The following ARHGAP21 variants were observed in gnomAD, a reference collection of about 807,000 sequenced individuals.
ARHGAP21 encodes Rho GTPase activating protein 21, also known as rho GTPase-activating protein 21.
ARHGAP21 carries 38 observed loss-of-function variants against 164.6 expected under a neutral mutation model. The observed-to-expected ratio is 0.23, with a 90% CI of 0.18 to 0.30. ARHGAP21 has a LOEUF of 0.30. Ranked by LOEUF, ARHGAP21 falls within the 10% of genes least tolerant of loss-of-function variation. The pLI is 1.00. For missense variants in ARHGAP21, 1,822 were observed against 2,370.7 expected, an observed-to-expected ratio of 0.77 and a Z score of 4.81; for synonymous variants, 766 against 857.9, an observed-to-expected ratio of 0.89 and a Z score of 1.87.
chr10:24,698,952 T>G lies in ARHGAP21; in HGVS notation c.63+22885A>C, dbSNP rs1036628795. On this transcript the variant is annotated intron_variant, in intron 2 of 25. Transcript: ENST00000396432. Reference sequence around the variant, plus strand: ...ATTTGTACATATATATCAGCAATGCTAAAGGTTTCAGTAACAGAGCAGAGG... The same window carrying G: ...ATTTGTACATATATATCAGCAATGCGAAAGGTTTCAGTAACAGAGCAGAGG... 1.2e-4 allele frequency among the ~76,000 whole-genome samples: 19 copies of G among 152,204 alleles called. 1 individual carries two copies. The highest frequency in any genetic ancestry group is 1.1e-3 in the Admixed American group (17 of 15,284).
rs755309505 is a variant in ARHGAP21 at position 24,585,438 on chromosome 10, G to A, written c.4851C>T (p.Asp1617=). ...EVQSVAESKG[D]EADDERSELI... is the part of the protein sequence containing the mutation. ...GTTCGCTTCTCTCGTCATCTGCCTC[G>A]TCCCCCTTGCTCTCTGCCACGGATT... The change falls in exon 26 of 26, where the codon GAC becomes GAT. Residue 1617 remains aspartate (D), a synonymous_variant. Transcript: ENST00000396432. The A allele has an allele frequency of 2.2e-5, 36 of 1,613,786 alleles. No homozygotes were observed. In the Admixed American group the frequency reaches 5.0e-4, roughly 22 times the overall value.
intron 4 of ARHGAP21, among the ~76,000 whole-genome samples, chr10:24,666,130 C>T (rs1005654374): frequency 6.6e-5 from 10 of 152,220 alleles, no homozygotes; most frequent in South Asian, 6.2e-4. Context: ...CCCAGGTTCA[C>T]GCCATTCTCC....
intron 3 of ARHGAP21, among the ~76,000 whole-genome samples, chr10:24,668,921 A>C (rs996477215): frequency 2.0e-5 from 3 of 152,192 alleles, no homozygotes; most frequent in Non-Finnish European, 4.4e-5. Flanking sequence ...ACAAAACAAA[A>C]ACAAAAAGAC....
intron 2 of ARHGAP21, among the ~76,000 whole-genome samples, chr10:24,695,016 A>G (rs1843031131): frequency 9.4e-6 from 1 of 106,376 alleles, no homozygotes; most frequent in Non-Finnish European, 1.8e-5. Context: ...GTGCCACCAT[A>G]CTCCAGCCTG....
At chr10:24,686,660 T>A (rs1352162266) in intron 2 of ARHGAP21, among the ~76,000 whole-genome samples, 1 of 152,188 alleles carries the variant, frequency 6.6e-6, no homozygotes, top group African/African-American at 2.4e-5. Flanking sequence ...TTTTTGGAAT[T>A]AGGAGCTGTT....
chr10:24,712,660 C>T (rs1274945242), intron 2 of ARHGAP21, among the ~76,000 whole-genome samples: 2 of 152,010 alleles, frequency 1.3e-5, no homozygotes, highest in South Asian at 2.1e-4. Flanking sequence ...GTTGAATCCA[C>T]GAATGTGCAA....
At chr10:24,692,560 C>T (rs1200190938) in intron 2 of ARHGAP21, among the ~76,000 whole-genome samples, 10 of 152,124 alleles carry the variant, frequency 6.6e-5, no homozygotes, top group Admixed American at 6.5e-4. Flanking sequence ...GACCAGACTC[C>T]ATGGCTCACG....
intron 4 of ARHGAP21, among the ~76,000 whole-genome samples, chr10:24,647,358 C>T (rs1208242470): frequency 6.6e-6 from 1 of 152,080 alleles, no homozygotes; most frequent in African/African-American, 2.4e-5. Context: ...TATGTAAATC[C>T]AAGATTACCA....
intron 6 of ARHGAP21, among the ~76,000 whole-genome samples, chr10:24,631,393 T>TAAA (rs1835843714): frequency 7.2e-6 from 1 of 138,294 alleles, no homozygotes; most frequent in Admixed American, 7.4e-5. Flanking sequence ...TAAAATAAAA[T>TAAA]AAAAGTTATG....
rs142435310 is a variant in ARHGAP21, at chr10:24,584,777, A to C, written c.5512T>G (p.Leu1838Val). 5.0e-6 allele frequency: 8 copies of C among 1,613,778 alleles called. No homozygotes were observed. In the African/African-American group the frequency reaches 1.1e-4, roughly 22 times the overall value. Reference protein sequence around the residue: ...RESELSAVNRLKPKCSAQDLS... With the variant: ...RESELSAVNRVKPKCSAQDLS... ...TCCTGGGCTGAGCATTTTGGTTTTAACCGGTTTACAGCTGAAAGTTCAGAT... is the reference window on the plus strand; with the variant it reads ...TCCTGGGCTGAGCATTTTGGTTTTACCCGGTTTACAGCTGAAAGTTCAGAT... The change falls in exon 26 of 26, where the codon TTA becomes GTA. Residue 1838 changes from leucine to valine, a missense_variant. This residue lies in a region of ARHGAP21 where 165 missense variants were observed against 176.6 expected (regional missense o/e 0.93). Coordinates refer to ENST00000396432, the MANE Select transcript of ARHGAP21 (RefSeq NM_020824.4).
chr10:24,648,834 C>G (rs1057425388), intron 4 of ARHGAP21: 33 of 983,954 alleles, frequency 3.4e-5, no homozygotes, highest in Non-Finnish European at 3.4e-5. Context: ...TTCTTACCAT[C>G]ACAGCCCCTT....
chr10:24,645,498 C>T (rs1188969299), intron 4 of ARHGAP21, among the ~76,000 whole-genome samples: 2 of 151,294 alleles, frequency 1.3e-5, no homozygotes, highest in Non-Finnish European at 2.9e-5. Flanking sequence ...GCAGGATAAT[C>T]GCTTGAACCC....
At chr10:24,628,884 C>CAT (rs1163620867) in intron 7 of ARHGAP21, 6 of 107,836 alleles carry the variant, frequency 5.6e-5, no homozygotes, top group African/African-American at 1.5e-4. Context: ...CATATATACA[C>CAT]ATATATATAC....
intron 2 of ARHGAP21, among the ~76,000 whole-genome samples, chr10:24,718,468 G>A (rs1453142075): frequency 6.6e-6 from 1 of 152,130 alleles, no homozygotes; most frequent in East Asian, 1.9e-4. Flanking sequence ...GAAAGGCCTT[G>A]GCTCTGGATA....
intron 12 of ARHGAP21, among the ~76,000 whole-genome samples, chr10:24,603,336 AG>A (rs1418222988): frequency 6.6e-6 from 1 of 152,202 alleles, no homozygotes; most frequent in Admixed American, 6.5e-5. Flanking sequence ...CGAGGGCTCT[AG>A]GAAGTTAAAA....
At chr10:24,710,603 C>T (rs1844687120) in intron 2 of ARHGAP21, among the ~76,000 whole-genome samples, 1 of 152,180 alleles carries the variant, frequency 6.6e-6, no homozygotes, top group Admixed American at 6.5e-5. Flanking sequence ...GCTGCGCACC[C>T]TCAGTGTCTG....
At chr10:24,590,218 C>T (rs1456558657) in intron 24 of ARHGAP21, 4 of 1,458,234 alleles carry the variant, frequency 2.7e-6, no homozygotes, top group Non-Finnish European at 3.6e-6. Flanking sequence ...TGCTATTTCT[C>T]CTCAGGGTCT....
intron 2 of ARHGAP21, among the ~76,000 whole-genome samples, chr10:24,687,674 G>A (rs1217380259): frequency 6.6e-6 from 1 of 152,184 alleles, no homozygotes; most frequent in Non-Finnish European, 1.5e-5. Context: ...TTGCATTTCT[G>A]TGGTTAAAAA....
chr10:24,669,805 A>T (rs537620935), intron 3 of ARHGAP21, among the ~76,000 whole-genome samples: 1 of 152,230 alleles, frequency 6.6e-6, no homozygotes, highest in Non-Finnish European at 1.5e-5. Flanking sequence ...ATCATATTAC[A>T]TATCTGAAAG....
Sources: gnomAD v4.1 joint callset for allele counts (sites outside exome capture counted in the v4.1 genomes callset) on GRCh38, gnomAD v4.1.1 for gene constraint, gnomAD v4.1.1 regional missense constraint, MANE v1.5 for transcripts, NCBI Gene and HGNC (gene_info 2026-07-23, HGNC 2026-07-21) for gene names.